CCDC63: variants seen among roughly 807,000 people sequenced by gnomAD.
CCDC63 encodes coiled-coil domain containing 63.
In CCDC63, 54 loss-of-function variants were observed where a neutral mutation model predicts 63.6. That is an observed-to-expected ratio of 0.85 (90% CI 0.68 to 1.07). CCDC63 has a LOEUF of 1.07. Ranked by LOEUF, CCDC63 falls within the 50% of genes least tolerant of loss-of-function variation. The pLI, the probability that CCDC63 is intolerant of heterozygous loss-of-function variation, is 0.00. For synonymous variants in CCDC63, 253 were observed against 266.1 expected (o/e 0.95, Z 0.48); for missense variants, 637 against 689.6 (o/e 0.92, Z 0.86).
At chr12:110,901,923 T>G (rs1223094228) in intron 10 of CCDC63, among the ~76,000 whole-genome samples, 1 of 152,090 alleles carries the variant, frequency 6.6e-6, no homozygotes. Context: ...CTCTGCCTCC[T>G]GGGTTCAAGT....
intron 4 of CCDC63, among the ~76,000 whole-genome samples, chr12:110,867,022 C>A (rs1301799721): frequency 7.9e-6 from 1 of 127,298 alleles, no homozygotes; most frequent in Non-Finnish European, 1.7e-5. Flanking sequence ...CCCTCCCGGA[C>A]GGGGCGGCTG....
At chr12:110,890,358 GA>G (rs941520835) in intron 8 of CCDC63, among the ~76,000 whole-genome samples, 5 of 151,846 alleles carry the variant, frequency 3.3e-5, no homozygotes, top group African/African-American at 9.7e-5. Flanking sequence ...TTTACAGGGG[GA>G]AAAAAAGCAA....
chr12:110,875,208 A>G (rs1478154504), intron 5 of CCDC63, among the ~76,000 whole-genome samples: 1 of 152,148 alleles, frequency 6.6e-6, no homozygotes, highest in African/African-American at 2.4e-5. Flanking sequence ...AATTCCTAGG[A>G]TATGGGTTAA....
At chr12:110,859,007 C>T (rs917651969) in intron 4 of CCDC63, among the ~76,000 whole-genome samples, 2 of 152,168 alleles carry the variant, frequency 1.3e-5, no homozygotes, top group Non-Finnish European at 2.9e-5. Context: ...CCCAGTGCCA[C>T]CTGCTGCACC....
chr12:110,867,200 C>T (rs1261924918), intron 4 of CCDC63, among the ~76,000 whole-genome samples: 20 of 131,182 alleles, frequency 1.5e-4, no homozygotes, highest in Admixed American at 6.0e-4. Flanking sequence ...CCCTCCCGGA[C>T]GGGGCGGCTG....
intron 7 of CCDC63, among the ~76,000 whole-genome samples, chr12:110,882,001 C>T (rs982571197): frequency 6.6e-6 from 1 of 152,184 alleles, no homozygotes; most frequent in African/African-American, 2.4e-5. Flanking sequence ...CCAGGTTCAT[C>T]TCTAGGTTTG....
intron 1 of CCDC63, among the ~76,000 whole-genome samples, chr12:110,852,517 C>T (rs1022252615): frequency 6.6e-6 from 1 of 152,142 alleles, no homozygotes; most frequent in Non-Finnish European, 1.5e-5. Flanking sequence ...CGACCTTGGC[C>T]TCCCAAAGTG....
rs1433146943 is a variant in CCDC63, at chr12:110,858,691, G to A, written c.285G>A (p.Glu95=). The A allele has an allele frequency of 1.9e-6, 3 of 1,614,118 alleles. No homozygotes were observed. In the South Asian group the frequency reaches 3.3e-5, roughly 18 times the overall value. The change falls in exon 4 of 12, where the codon GAG becomes GAA. Residue 95 remains glutamate (E), a synonymous_variant. Coordinates refer to ENST00000308208, the MANE Select transcript of CCDC63 (RefSeq NM_152591.3). ...ATCGGAGTGAGAAGAACTACATGGA[G>A]CTGCGACTCCTGCTCCAAACTAAGG... The part of the protein sequence containing the change: ...NMNRSEKNYM[E]LRLLLQTKED...
intron 1 of CCDC63, among the ~76,000 whole-genome samples, chr12:110,849,794 C>T (rs375620912): frequency 2.0e-4 from 31 of 152,134 alleles, no homozygotes; most frequent in African/African-American, 6.5e-4. Context: ...CCACTGCGCC[C>T]GGCCCAAGTT....
intron 7 of CCDC63, among the ~76,000 whole-genome samples, chr12:110,882,073 T>C (rs1263104270): frequency 6.6e-6 from 1 of 152,144 alleles, no homozygotes; most frequent in Non-Finnish European, 1.5e-5. Flanking sequence ...TGTGATGCAT[T>C]ACAGTGAAAA....
chr12:110,847,550 G>C (rs2070653729), intron 1 of CCDC63, among the ~76,000 whole-genome samples: 1 of 135,602 alleles, frequency 7.4e-6, no homozygotes, highest in Non-Finnish European at 1.6e-5. Context: ...GAGAGAGAGA[G>C]ACGCTCTCAA....
chr12:110,884,136 C>T lies in CCDC63; in HGVS notation c.960C>T (p.Asn320=), dbSNP rs371698872. ...AGCTGGCTGAGAGTGGGAACCTAAA[C>T]CAGCTCATTGAAGATTTTCTGGCCA... ...LLKLAESGNL[N]QLIEDFLAKE... is the part of the protein sequence containing the mutation. Residue 320 remains asparagine, a synonymous_variant, in exon 8 of 12, where the codon AAC becomes AAT. Coordinates refer to ENST00000308208, the MANE Select transcript of CCDC63 (RefSeq NM_152591.3). The T allele has an allele frequency of 3.7e-6, 6 of 1,614,010 alleles. No individual in the cohort carries two copies. The highest frequency in any genetic ancestry group is 5.1e-6 in the Non-Finnish European group (6 of 1,180,018).
intron 11 of CCDC63, among the ~76,000 whole-genome samples, chr12:110,906,036 A>ATAT (rs1312264003): frequency 5.5e-5 from 2 of 36,476 alleles, no homozygotes; most frequent in Non-Finnish European, 1.0e-4. Flanking sequence ...ATATTATAAT[A>ATAT]ATATAATATA....
At chr12:110,871,228 G>A (rs1044513847) in intron 4 of CCDC63, among the ~76,000 whole-genome samples, 1 of 151,856 alleles carries the variant, frequency 6.6e-6, no homozygotes, top group African/African-American at 2.4e-5. Context: ...TGCAAGCTCC[G>A]CCTCCCGGGT....
rs541580302 is a variant in CCDC63, at chr12:110,889,932, A to G, written c.1075-3144A>G. ...TTTTTTTCACAATTTGGAAAATACT[A>G]AAAAGTATAAATACAACCTCCAAAT... is the stretch of plus-strand genomic sequence containing the variant. On this transcript the variant is annotated intron_variant, in intron 8 of 11. Coordinates refer to ENST00000308208, the MANE Select transcript of CCDC63 (RefSeq NM_152591.3). The surrounding 1 kb of genome is among the most constrained non-coding windows in gnomAD (Gnocchi z 4.1). Among the ~76,000 whole-genome samples, 1 of 152,206 alleles carries G rather than the reference A, an allele frequency of 6.6e-6. No individual in the cohort carries two copies. The highest frequency in any genetic ancestry group is 2.1e-4 in the South Asian group (1 of 4,816).
intron 2 of CCDC63, 84 bp from the exon 3 acceptor site, chr12:110,853,321 C>A: frequency 7.3e-7 from 1 of 1,363,546 alleles, no homozygotes; most frequent in Non-Finnish European, 1.0e-6. Context: ...GCCACCCCCA[C>A]TGCCCTTCAC....
At chr12:110,887,872 A>T (rs1180584919) in intron 8 of CCDC63, among the ~76,000 whole-genome samples, 1 of 152,176 alleles carries the variant, frequency 6.6e-6, no homozygotes, top group East Asian at 1.9e-4. Flanking sequence ...CTGGGAATAC[A>T]GCGTGAGCCA....
intron 10 of CCDC63, among the ~76,000 whole-genome samples, 159 bp downstream of exon 10, chr12:110,899,284 C>A (rs1443069308): frequency 6.6e-6 from 1 of 152,124 alleles, no homozygotes; most frequent in Non-Finnish European, 1.5e-5. Flanking sequence ...TCTACACTTA[C>A]CAGCTCTGGA....
intron 10 of CCDC63, among the ~76,000 whole-genome samples, chr12:110,900,538 G>A (rs1211233781): frequency 3.3e-5 from 5 of 151,848 alleles, no homozygotes; most frequent in African/African-American, 1.2e-4. Flanking sequence ...GGGCATACCT[G>A]CATAGATCCT....
Sources: gnomAD v4.1 joint callset for allele counts (sites outside exome capture counted in the v4.1 genomes callset) on GRCh38, gnomAD v4.1.1 for gene constraint, Gnocchi (gnomAD v3.1) non-coding constraint, MANE v1.5 for transcripts, NCBI Gene and HGNC (gene_info 2026-07-23, HGNC 2026-07-21) for gene names.